The following KLF8 variants were observed in gnomAD, a reference collection of about 807,000 sequenced individuals.
The protein encoded by KLF8 is KLF transcription factor 8, also known as Krueppel-like factor 8.
Under a neutral mutation model 18.2 loss-of-function variants are expected in KLF8, and 10 were observed. The ratio of observed to expected loss-of-function variants is 0.55; its 90% CI spans 0.34 to 0.93. The LOEUF (loss-of-function observed/expected upper bound fraction) is 0.93, where lower values mean the gene tolerates loss of function less well. Ranked by LOEUF, KLF8 falls within the 40% of genes least tolerant of loss-of-function variation. The probability of loss-of-function intolerance (pLI) is 0.02; values close to 1 mark genes in which losing one functional copy is unlikely to be tolerated. For synonymous variants in KLF8, 109 were observed against 97.3 expected (o/e 1.12, Z -0.71); for missense variants, 264 against 277.9 (o/e 0.95, Z 0.36).
chrX:55,948,322 G>A, the KLF8 span, among the ~76,000 whole-genome samples: 2 of 111,619 alleles, frequency 1.8e-5, no homozygotes, highest in African/African-American at 6.5e-5. Flanking sequence ...AGAGTTGTAT[G>A]TCATACATAG....
chrX:56,175,960 C>T, the KLF8 span, among the ~76,000 whole-genome samples: 18 of 111,552 alleles, frequency 1.6e-4, no homozygotes, highest in Non-Finnish European at 3.4e-4. Context: ...GGCAAATCTT[C>T]CTCCATCCTT....
chrX:56,215,410 G>A, the KLF8 span, among the ~76,000 whole-genome samples: 4 of 111,254 alleles, frequency 3.6e-5, no homozygotes, highest in African/African-American at 9.8e-5. Flanking sequence ...GGCCCAAGTC[G>A]AGGCTCAGAA....
chrX:56,217,245 A>T, the KLF8 span, among the ~76,000 whole-genome samples: 1 of 111,352 alleles, frequency 9.0e-6, no homozygotes, highest in Admixed American at 9.5e-5. Flanking sequence ...GTAATGCTTC[A>T]TATGTAGCAT....
chrX:55,960,064 C>A, the KLF8 span, among the ~76,000 whole-genome samples: 1 of 111,763 alleles, frequency 8.9e-6, no homozygotes, highest in Non-Finnish European at 1.9e-5. Flanking sequence ...CAGAGACTTG[C>A]AAGCCAGAAG....
the KLF8 span, among the ~76,000 whole-genome samples, chrX:56,197,504 C>T: frequency 9.0e-6 from 1 of 111,668 alleles, no homozygotes; most frequent in Non-Finnish European, 1.9e-5. Context: ...TGGATAAATT[C>T]CTGGACACAT....
chrX:56,285,958 G>T lies in KLF8; in HGVS notation c.*1464G>T, dbSNP rs1263456072. 9.1e-6 allele frequency: 1 copy of T among 110,043 alleles called. No homozygotes were observed. Among genetic ancestry groups the T allele is most frequent in the African/African-American group, 3.3e-5 (1 of 30,202 alleles). 9.1% of individuals were successfully genotyped at this position (110,043 alleles called of 1,213,427 possible). A position where few individuals can be genotyped will look rare whatever the true frequency, so the allele number is the denominator to read the frequency against. On this transcript the variant is annotated 3_prime_UTR_variant, in exon 6 of 6. Coordinates refer to ENST00000468660, the MANE Select transcript of KLF8 (RefSeq NM_007250.5). ...TTTCAACCCTGCTTGAATACTTTAGGTTACTATTTCCTGAGGCTGTCCATT... is the reference window on the plus strand; with the variant it reads ...TTTCAACCCTGCTTGAATACTTTAGTTTACTATTTCCTGAGGCTGTCCATT...
the KLF8 span, among the ~76,000 whole-genome samples, chrX:56,074,264 T>C: frequency 0.011 from 1,211 of 112,025 alleles, 19 homozygotes; most frequent in African/African-American, 0.037. Flanking sequence ...TAATGTACTT[T>C]CATGCACAGA....
the KLF8 span, among the ~76,000 whole-genome samples, chrX:55,989,929 T>TGG: frequency 9.0e-6 from 1 of 111,499 alleles, no homozygotes; most frequent in Middle Eastern, 4.7e-3. Context: ...GGTTTAGTCT[T>TGG]GGGGGGGTGT....
At chrX:56,220,498 T>C in the KLF8 span, among the ~76,000 whole-genome samples, 1 of 111,767 alleles carries the variant, frequency 8.9e-6, no homozygotes, top group African/African-American at 3.3e-5. Flanking sequence ...CCTTTTCTTT[T>C]TTTTTGAGAA....
At chrX:56,023,074 A>G in the KLF8 span, among the ~76,000 whole-genome samples, 1 of 111,621 alleles carries the variant, frequency 9.0e-6, no homozygotes, top group Non-Finnish European at 1.9e-5. Context: ...GGCATGCAAT[A>G]TTTAAATATG....
the KLF8 span, among the ~76,000 whole-genome samples, chrX:56,093,326 C>T: frequency 6.3e-5 from 7 of 111,278 alleles, no homozygotes; most frequent in Non-Finnish European, 1.1e-4. Flanking sequence ...TACCTACTTA[C>T]CTATAGAGAA....
chrX:56,016,326 G>A, the KLF8 span, among the ~76,000 whole-genome samples: 3 of 112,348 alleles, frequency 2.7e-5, no homozygotes, highest in East Asian at 2.8e-4. Flanking sequence ...TCAAAATTGA[G>A]ATTCCCAATG....
chrX:55,919,288 T>C, the KLF8 span, among the ~76,000 whole-genome samples: 1 of 111,939 alleles, frequency 8.9e-6, no homozygotes, highest in Non-Finnish European at 1.9e-5. Context: ...GTCAGACTGA[T>C]AGAGCAGTGT....
the KLF8 span, chrX:55,908,721 G>T: frequency 3.5e-6 from 1 of 286,808 alleles, no homozygotes; most frequent in Non-Finnish European, 6.1e-6. Flanking sequence ...GGGTCCAAGA[G>T]CTCAATCCCG....
chrX:56,052,036 T>TA, the KLF8 span, among the ~76,000 whole-genome samples: 1 of 111,839 alleles, frequency 8.9e-6, no homozygotes, highest in African/African-American at 3.3e-5. Context: ...CCATTGCTGA[T>TA]ACCCTTTCTT....
chrX:55,911,196 G>T, the KLF8 span, among the ~76,000 whole-genome samples: 1 of 111,776 alleles, frequency 8.9e-6, no homozygotes, highest in Admixed American at 9.5e-5. Flanking sequence ...TTATCATAAA[G>T]GTCTTAATTC....
the KLF8 span, among the ~76,000 whole-genome samples, chrX:56,226,149 G>A: frequency 8.9e-6 from 1 of 111,979 alleles, no homozygotes; most frequent in South Asian, 3.7e-4. Context: ...TCTGCCATGG[G>A]CACAGGAGGA....
the KLF8 span, among the ~76,000 whole-genome samples, chrX:56,114,821 A>C: frequency 8.9e-6 from 1 of 112,710 alleles, no homozygotes; most frequent in Non-Finnish European, 1.9e-5. Flanking sequence ...AATTTTATAC[A>C]GATCAAAGGT....
chrX:56,187,767 A>G, the KLF8 span, among the ~76,000 whole-genome samples: 1 of 111,251 alleles, frequency 9.0e-6, no homozygotes, highest in African/African-American at 3.3e-5. Context: ...AACCAAAGAA[A>G]AAAACCACAT....
Sources: gnomAD v4.1 joint callset for allele counts (sites outside exome capture counted in the v4.1 genomes callset) on GRCh38, gnomAD v4.1.1 for gene constraint, MANE v1.5 for transcripts, NCBI Gene and HGNC (gene_info 2026-07-23, HGNC 2026-07-21) for gene names.